Variants in DCLK1 observed in about 807,000 individuals in gnomAD.
DCLK1 encodes the protein serine/threonine-protein kinase DCLK1.
A neutral mutation model predicts 86.2 loss-of-function variants in DCLK1; 16 were observed. That is an observed-to-expected ratio of 0.19 (90% CI 0.13 to 0.28). The LOEUF (loss-of-function observed/expected upper bound fraction) is 0.28. Ranked by LOEUF, DCLK1 falls within the 10% of genes least tolerant of loss-of-function variation. DCLK1 has a pLI of 1.00. For missense variants in DCLK1, 590 were observed against 940.2 expected (o/e 0.63, Z 4.87); for synonymous variants, 369 against 370.5 (o/e 1.00, Z 0.05).
chr13:36,008,262 G>T (rs2153147357), intron 3 of DCLK1, among the ~76,000 whole-genome samples: 1 of 104,404 alleles, frequency 9.6e-6, no homozygotes, highest in African/African-American at 3.9e-5. Context: ...TAGGGTACAT[G>T]TGCACATTGT....
chr13:35,958,020 C>CT (rs1878120058), intron 3 of DCLK1, among the ~76,000 whole-genome samples: 1 of 38,338 alleles, frequency 2.6e-5, no homozygotes, highest in African/African-American at 1.3e-4. Flanking sequence ...ATCACCATCA[C>CT]ACACCACAAC....
chr13:35,880,965 T>G (rs928864477), intron 4 of DCLK1, among the ~76,000 whole-genome samples: 1 of 152,206 alleles, frequency 6.6e-6, no homozygotes, highest in African/African-American at 2.4e-5. Context: ...TGTTCCACAT[T>G]GTTCAGCCGA....
At chr13:35,803,874 C>G (rs1276873240) in intron 15 of DCLK1, among the ~76,000 whole-genome samples, 1 of 152,148 alleles carries the variant, frequency 6.6e-6, no homozygotes, top group Non-Finnish European at 1.5e-5. Context: ...GATTCTCCAC[C>G]TCTATGACCA....
At chr13:35,931,416 C>T (rs942974256) in intron 4 of DCLK1, among the ~76,000 whole-genome samples, 1 of 152,172 alleles carries the variant, frequency 6.6e-6, no homozygotes, top group Non-Finnish European at 1.5e-5. Context: ...GACATCACGT[C>T]AGAAAGCCCC....
At chr13:35,846,648 A>G (rs914054936) in intron 6 of DCLK1, 1 of 985,256 alleles carries the variant, frequency 1.0e-6, no homozygotes, top group Non-Finnish European at 1.2e-6. Context: ...GGCAATTGGT[A>G]TATTGAATTC....
intron 2 of DCLK1, among the ~76,000 whole-genome samples, chr13:36,114,495 C>T (rs1885714493): frequency 6.6e-6 from 1 of 152,200 alleles, no homozygotes; most frequent in African/African-American, 2.4e-5. Flanking sequence ...TCCAAGATCA[C>T]ACACCACAGT....
chr13:36,115,439 G>A (rs1454906361), intron 2 of DCLK1, among the ~76,000 whole-genome samples: 2 of 152,162 alleles, frequency 1.3e-5, no homozygotes, highest in Non-Finnish European at 2.9e-5. Flanking sequence ...GAACAAGGAT[G>A]GCATGATTGC....
chr13:35,890,728 A>T (rs1409972967), intron 4 of DCLK1, among the ~76,000 whole-genome samples: 2 of 151,834 alleles, frequency 1.3e-5, no homozygotes, highest in Non-Finnish European at 2.9e-5. Flanking sequence ...CACTTTCCTT[A>T]CCTGTTTGAG....
intron 5 of DCLK1, among the ~76,000 whole-genome samples, chr13:35,859,965 G>T (rs1464878702): frequency 1.3e-5 from 2 of 152,200 alleles, no homozygotes; most frequent in Non-Finnish European, 2.9e-5. Context: ...GTCTCAAATT[G>T]GTTCTGAAGT....
chr13:35,871,312 G>A lies in DCLK1; in HGVS notation c.852C>T (p.Tyr284=), dbSNP rs1451634493. Residue 284 remains tyrosine (Y), a synonymous_variant, in exon 5 of 17, where the codon TAC becomes TAT. Transcript: ENST00000360631. The part of the protein sequence containing the change: ...SECRVVKSTS[Y]TKIASSSRRS... ...TGCGGGATGATGAAGCTATTTTGGT[G>A]TAAGAAGTGGACTTTACCACTCGAC... is the stretch of plus-strand genomic sequence containing the variant. The A allele has an allele frequency of 6.2e-7, 1 of 1,613,970 alleles. No individual in the cohort carries two copies.
intron 4 of DCLK1, among the ~76,000 whole-genome samples, chr13:35,893,829 T>C (rs1873788830): frequency 6.6e-6 from 1 of 152,220 alleles, no homozygotes; most frequent in South Asian, 2.1e-4. Context: ...TAAGTACTTA[T>C]GTGTGAATAA....
intron 4 of DCLK1, among the ~76,000 whole-genome samples, chr13:35,925,488 C>A (rs1304001501): frequency 6.6e-6 from 1 of 152,192 alleles, no homozygotes; most frequent in Non-Finnish European, 1.5e-5. Context: ...AGCCTAGGAT[C>A]AGTCGAAATA....
At chr13:36,112,257 G>A (rs1447616594) in intron 2 of DCLK1, 42 bp from the exon 3 acceptor site, 2 of 1,401,612 alleles carry the variant, frequency 1.4e-6, no homozygotes, top group Non-Finnish European at 1.9e-6. Context: ...ACTAAAATAT[G>A]CCCATTTCTT....
chr13:35,803,110 C>T (rs2086955518), intron 15 of DCLK1, among the ~76,000 whole-genome samples: 1 of 152,136 alleles, frequency 6.6e-6, no homozygotes, highest in Non-Finnish European at 1.5e-5. Context: ...CTTTAAAACA[C>T]CTGGGGTGAA....
At chr13:35,834,106 T>C (rs1184821396) in intron 8 of DCLK1, among the ~76,000 whole-genome samples, 1 of 152,162 alleles carries the variant, frequency 6.6e-6, no homozygotes, top group East Asian at 1.9e-4. Context: ...TGATAGATGC[T>C]GGCAAATCAC....
At chr13:36,126,756 C>T (rs984994161) in intron 1 of DCLK1, among the ~76,000 whole-genome samples, 1 of 152,202 alleles carries the variant, frequency 6.6e-6, no homozygotes, top group African/African-American at 2.4e-5. Flanking sequence ...ATTAATCAGC[C>T]ACAAATTTGT....
At chr13:35,974,376 C>A (rs986438697) in intron 3 of DCLK1, among the ~76,000 whole-genome samples, 1 of 152,270 alleles carries the variant, frequency 6.6e-6, no homozygotes, top group South Asian at 2.1e-4. Context: ...GAGGGAAGAC[C>A]GTGTAAGGAC....
At chr13:35,978,425 C>G (rs1879465721) in intron 3 of DCLK1, among the ~76,000 whole-genome samples, 1 of 151,930 alleles carries the variant, frequency 6.6e-6, no homozygotes, top group Non-Finnish European at 1.5e-5. Flanking sequence ...AGGCTGGTCT[C>G]AAATTCCTGG....
chr13:35,903,534 A>T (rs548454882), intron 4 of DCLK1, among the ~76,000 whole-genome samples: 1 of 152,268 alleles, frequency 6.6e-6, no homozygotes, highest in East Asian at 1.9e-4. Flanking sequence ...TACAGATTCT[A>T]TTTGGTCCCA....
Sources: gnomAD v4.1 joint callset for allele counts (sites outside exome capture counted in the v4.1 genomes callset) on GRCh38, gnomAD v4.1.1 for gene constraint, MANE v1.5 for transcripts, NCBI Gene and HGNC (gene_info 2026-07-23, HGNC 2026-07-21) for gene names.